Variants in TSKU observed in about 807,000 individuals in gnomAD.
TSKU encodes tsukushi, small leucine rich proteoglycan.
In TSKU, 4 loss-of-function variants were observed where a neutral mutation model predicts 11.2. The observed-to-expected ratio is 0.36, with a 90% CI of 0.18 to 0.82. The LOEUF (loss-of-function observed/expected upper bound fraction) is 0.82. Among genes scored for constraint, TSKU ranks in the 40% least tolerant of loss-of-function variants. The pLI, the probability that TSKU is intolerant of heterozygous loss-of-function variation, is 0.50. For missense variants in TSKU, 407 were observed against 482.5 expected (o/e 0.84, Z 1.47); for synonymous variants, 220 against 232.2 (o/e 0.95, Z 0.48).
chr11:76,784,629 C>A (rs1271483436), intron 1 of TSKU, among the ~76,000 whole-genome samples: 2 of 152,206 alleles, frequency 1.3e-5, no homozygotes, highest in Non-Finnish European at 2.9e-5. Context: ...GAGAGCAGCG[C>A]CAGCCCACAC....
chr11:76,788,270 A>T (rs1475938229), intron 1 of TSKU, among the ~76,000 whole-genome samples: 1 of 151,980 alleles, frequency 6.6e-6, no homozygotes, highest in East Asian at 1.9e-4. Context: ...CCCTGTGCCA[A>T]CAGTGCCCTG....
intron 1 of TSKU, among the ~76,000 whole-genome samples, chr11:76,787,182 T>G (rs548423279): frequency 6.6e-6 from 1 of 152,346 alleles, no homozygotes; most frequent in East Asian, 1.9e-4. Context: ...AAGGCCCTGT[T>G]GGGTTGGAAC....
At chr11:76,788,381 A>G (rs1003189750) in intron 1 of TSKU, among the ~76,000 whole-genome samples, 2 of 152,030 alleles carry the variant, frequency 1.3e-5, no homozygotes, top group Admixed American at 6.6e-5. Context: ...GGTAGGTTCA[A>G]GCTGGAACCC....
chr11:76,788,708 G>A (rs904556657), intron 1 of TSKU, among the ~76,000 whole-genome samples: 4 of 152,186 alleles, frequency 2.6e-5, no homozygotes, highest in Admixed American at 1.3e-4. Flanking sequence ...AAGGCTGGTA[G>A]GTACAGAGCT....
In TSKU at chr11:76,795,695, G is replaced by C; in HGVS notation, c.79G>C (p.Glu27Gln). 1.2e-6 allele frequency: 2 copies of C among 1,614,124 alleles called. No individual in the cohort carries two copies. Among genetic ancestry groups the C allele is most frequent in the Non-Finnish European group, 1.7e-6 (2 of 1,180,046 alleles). ...TRPCFPGCQC[E>Q]VETFGLFDSF... ...GCCATGCTTCCCCGGGTGCCAATGC[G>C]AGGTGGAGACCTTCGGCCTTTTCGA... is the stretch of plus-strand genomic sequence containing the variant. The change falls in exon 2 of 2, where the codon GAG (glutamate) becomes CAG (glutamine). Residue 27 changes from glutamate to glutamine, a missense_variant. Physicochemically the swap from Glu to Gln is conservative, Grantham distance 29. Transcript: ENST00000333090.
Position 76,796,529 on chromosome 11 carries a change from C to CT in TSKU, c.914dup (p.Gln306AlafsTer107). 4 of 1,608,070 alleles carry CT rather than the reference C, an allele frequency of 2.5e-6. No homozygotes were observed. The highest frequency in any genetic ancestry group is 3.4e-6 in the Non-Finnish European group (4 of 1,176,492). ...GGCGCTGCTCCTCCACCTCCCGGCA[C>CT]TGCAGAGCGTCAGCGTGGGCCAGGA... is the stretch of plus-strand genomic sequence containing the variant. On this transcript the variant is annotated frameshift_variant, in exon 2 of 2. Coordinates refer to ENST00000333090, the MANE Select transcript of TSKU (RefSeq NM_015516.4). LOFTEE classifies it high-confidence loss of function. The surrounding 1 kb of genome is among the most constrained non-coding windows in gnomAD (Gnocchi z 4.1).
In TSKU at chr11:76,796,600, G is replaced by C. The variant is rs12805508; in HGVS notation, c.984G>C (p.Arg328Ser). The C allele has an allele frequency of 0.021, 32,069 of 1,513,096 alleles. 392 individuals are homozygous for C. Among genetic ancestry groups the C allele is most frequent in the South Asian group, 0.038 (2,973 of 77,256 alleles). 93.7% of individuals were successfully genotyped at this position (1,513,096 alleles called of 1,614,324 possible). A position where few individuals can be genotyped will look rare whatever the true frequency, so the allele number is the denominator to read the frequency against. ...TGCGGGAGGGCACCTACCCCCGGAG[G>C]CCTGGCTCCAGCCCCAAGGTGGCCC... ...RLVREGTYPR[R>S]PGSSPKVALH... The change falls in exon 2 of 2, where the codon AGG (arginine) becomes AGC (serine). Residue 328 changes from arginine (R) to serine (S), a missense_variant. By Grantham distance (110) the Arg-to-Ser change is moderately radical. Transcript: ENST00000333090. The surrounding 1 kb of genome is among the most constrained non-coding windows in gnomAD (Gnocchi z 4.1).
intron 1 of TSKU, among the ~76,000 whole-genome samples, chr11:76,791,586 C>T (rs1255536566): frequency 6.6e-6 from 1 of 152,254 alleles, no homozygotes; most frequent in East Asian, 1.9e-4. Flanking sequence ...TCAGAGGGTG[C>T]AAGCCCCAAG....
intron 1 of TSKU, among the ~76,000 whole-genome samples, chr11:76,790,787 G>A (rs1393076424): frequency 6.6e-6 from 1 of 152,152 alleles, no homozygotes; most frequent in Non-Finnish European, 1.5e-5. Context: ...GCATGAAAAA[G>A]GACTAATACA....
chr11:76,790,289 G>C (rs1944353063), intron 1 of TSKU, among the ~76,000 whole-genome samples: 1 of 152,074 alleles, frequency 6.6e-6, no homozygotes, highest in African/African-American at 2.4e-5. Flanking sequence ...GACTTCTCTT[G>C]TCACCAGGCA....
At chr11:76,787,324 A>G (rs1944322504) in intron 1 of TSKU, among the ~76,000 whole-genome samples, 1 of 152,160 alleles carries the variant, frequency 6.6e-6, no homozygotes, top group South Asian at 2.1e-4. Context: ...AGAAAATCTT[A>G]CTGGGAGCCT....
chr11:76,794,903 C>G (rs1459465108), intron 1 of TSKU, among the ~76,000 whole-genome samples: 3 of 152,210 alleles, frequency 2.0e-5, no homozygotes, highest in Non-Finnish European at 4.4e-5. Context: ...CAGCCCCGGC[C>G]AGACCACAGG....
At chr11:76,784,874 T>G (rs114259208) in intron 1 of TSKU, among the ~76,000 whole-genome samples, 195 of 152,244 alleles carry the variant, frequency 1.3e-3, no homozygotes, top group African/African-American at 4.5e-3. Context: ...TGTCGGATGC[T>G]GCAGACATGA....
At chr11:76,788,353 G>T (rs1356157327) in intron 1 of TSKU, among the ~76,000 whole-genome samples, 2 of 152,032 alleles carry the variant, frequency 1.3e-5, no homozygotes, top group East Asian at 1.9e-4. Flanking sequence ...CAGCACCAGG[G>T]TCAGGCAGCT....
Position 76,796,669 on chromosome 11 carries a change from C to G in TSKU, c.1053C>G (p.Thr351=), listed in dbSNP as rs574574878. 1.4e-5 allele frequency: 21 copies of G among 1,449,246 alleles called. No individual in the cohort carries two copies. In the African/African-American group the frequency reaches 2.7e-4, roughly 19 times the overall value. 89.8% of individuals were successfully genotyped at this position (1,449,246 alleles called of 1,614,324 possible). A position where few individuals can be genotyped will look rare whatever the true frequency, so the allele number is the denominator to read the frequency against. Residue 351 remains threonine, a synonymous_variant, in exon 2 of 2, where the codon ACC becomes ACG. Transcript: ENST00000333090. This position sits in a 1 kb window ranked among gnomAD's most constrained non-coding sequence, Gnocchi z 4.1. ...GGGATTCTGCTGCCAGGGGCCCCAC[C>G]ATCTTGTGACAAATGGTGTGGCCCA... The part of the protein sequence containing the change: ...DTRDSAARGP[T]IL
rs1383752351 is a variant in TSKU at position 76,796,409 on chromosome 11, C to G, written c.793C>G (p.Pro265Ala). ...GCAGGTCCTGGACCTGTCGGGCAAC[C>G]CCAAGCTTAACTGGGCAGGAGCTGA... ...GLQVLDLSGN[P>A]KLNWAGAEVF... The change falls in exon 2 of 2, where the codon CCC (proline) becomes GCC (alanine). Residue 265 changes from proline (P) to alanine (A), a missense_variant. Transcript: ENST00000333090. This position sits in a 1 kb window ranked among gnomAD's most constrained non-coding sequence, Gnocchi z 4.1. 2 of 1,613,568 alleles carry G rather than the reference C, an allele frequency of 1.2e-6. No homozygotes were observed. The highest frequency in any genetic ancestry group is 1.7e-6 in the Non-Finnish European group (2 of 1,179,966).
chr11:76,789,300 A>G (rs1205612385), intron 1 of TSKU, among the ~76,000 whole-genome samples: 1 of 152,236 alleles, frequency 6.6e-6, no homozygotes, highest in Non-Finnish European at 1.5e-5. Flanking sequence ...GGAGGGGAGA[A>G]GAAGGTGGTG....
Position 76,795,055 on chromosome 11 carries a change from G to A in TSKU, c.-8-554G>A, listed in dbSNP as rs139223940. ...GAAGGTGGTTGTGAGGGTCAGATGC[G>A]ACCATGCTGTGGGGCAGCCAGAACA... On this transcript the variant is annotated intron_variant, in intron 1 of 1. Coordinates refer to ENST00000333090, the MANE Select transcript of TSKU (RefSeq NM_015516.4). 1.7e-3 allele frequency among the ~76,000 whole-genome samples: 255 copies of A among 152,316 alleles called. 5 individuals carry two copies. The East Asian group carries it at 0.035, about 21-fold the overall frequency.
chr11:76,788,807 G>A (rs188372226), intron 1 of TSKU, among the ~76,000 whole-genome samples: 1 of 152,126 alleles, frequency 6.6e-6, no homozygotes, highest in Non-Finnish European at 1.5e-5. Flanking sequence ...GATCCCAGGT[G>A]GGGGAAAGAA....
Sources: gnomAD v4.1 joint callset for allele counts (sites outside exome capture counted in the v4.1 genomes callset) on GRCh38, gnomAD v4.1.1 for gene constraint, Gnocchi (gnomAD v3.1) non-coding constraint, MANE v1.5 for transcripts, NCBI Gene and HGNC (gene_info 2026-07-23, HGNC 2026-07-21) for gene names.